The following TNFSF4 variants were observed in gnomAD, a reference collection of about 807,000 sequenced individuals.
TNFSF4 encodes the protein TNF superfamily member 4, also known as tumor necrosis factor ligand superfamily member 4.
TNFSF4 carries 4 observed loss-of-function variants against 7.3 expected under a neutral mutation model. That is an observed-to-expected ratio of 0.55 (90% CI 0.27 to 1.25). TNFSF4 has a LOEUF of 1.25. Ranked by LOEUF, TNFSF4 falls within the 50% of genes most tolerant of loss-of-function variation. The pLI, the probability that TNFSF4 is intolerant of heterozygous loss-of-function variation, is 0.12. For missense variants in TNFSF4, 181 were observed against 208.8 expected (o/e 0.87, Z 0.82); for synonymous variants, 76 against 83.7 (o/e 0.91, Z 0.50).
the TNFSF4 span, among the ~76,000 whole-genome samples, chr1:173,419,736 C>T: frequency 6.6e-6 from 1 of 152,142 alleles, no homozygotes; most frequent in Non-Finnish European, 1.5e-5. Flanking sequence ...GCCCTGATTG[C>T]CATGGCTGGG....
At chr1:173,204,739 C>T (rs1485717672) in intron 1 of TNFSF4, among the ~76,000 whole-genome samples, 1 of 151,752 alleles carries the variant, frequency 6.6e-6, no homozygotes, top group Non-Finnish European at 1.5e-5. Flanking sequence ...ACTACCAACA[C>T]CACCACCACC....
chr1:173,298,770 A>G, the TNFSF4 span, among the ~76,000 whole-genome samples: 5 of 151,902 alleles, frequency 3.3e-5, 1 homozygote, highest in Admixed American at 3.3e-4. Flanking sequence ...ATCATCACTA[A>G]TTTACAGATG....
At chr1:173,358,759 A>C in the TNFSF4 span, among the ~76,000 whole-genome samples, 1 of 152,248 alleles carries the variant, frequency 6.6e-6, no homozygotes, top group Non-Finnish European at 1.5e-5. Flanking sequence ...CTAATAATAT[A>C]GATGAATGTC....
At chr1:173,244,352 CAT>C in the TNFSF4 span, among the ~76,000 whole-genome samples, 1 of 152,134 alleles carries the variant, frequency 6.6e-6, no homozygotes. Flanking sequence ...ACTATTAAAA[CAT>C]AAACCCGGCC....
the TNFSF4 span, among the ~76,000 whole-genome samples, chr1:173,444,503 G>T: frequency 6.7e-6 from 1 of 149,760 alleles, no homozygotes; most frequent in Non-Finnish European, 1.5e-5. Context: ...CAGGTTTTGG[G>T]AAATTCTGGG....
the TNFSF4 span, among the ~76,000 whole-genome samples, chr1:173,331,193 TC>T: frequency 6.6e-6 from 1 of 152,188 alleles, no homozygotes; most frequent in African/African-American, 2.4e-5. Flanking sequence ...CCTTCTTTCC[TC>T]TTTTCAAAAC....
chr1:173,327,334 C>A, the TNFSF4 span, among the ~76,000 whole-genome samples: 1 of 152,096 alleles, frequency 6.6e-6, no homozygotes, highest in Non-Finnish European at 1.5e-5. Context: ...CTTCCTTACA[C>A]CTTATACAAA....
chr1:173,270,401 C>G, the TNFSF4 span, among the ~76,000 whole-genome samples: 115 of 151,846 alleles, frequency 7.6e-4, no homozygotes, highest in Non-Finnish European at 1.1e-3. Context: ...TGAAGAGGAC[C>G]CTGGGGCTCT....
the TNFSF4 span, among the ~76,000 whole-genome samples, chr1:173,240,587 T>C: frequency 6.6e-6 from 1 of 152,214 alleles, no homozygotes. Context: ...TATATTGCCT[T>C]GGCAATCAGT....
At chr1:173,270,353 GGATTA>G in the TNFSF4 span, among the ~76,000 whole-genome samples, 7 of 152,102 alleles carry the variant, frequency 4.6e-5, no homozygotes, top group Non-Finnish European at 8.8e-5. Flanking sequence ...TCATGAGCTT[GGATTA>G]GCTCACCTAG....
the TNFSF4 span, among the ~76,000 whole-genome samples, chr1:173,401,196 G>A: frequency 0.24 from 36,978 of 152,084 alleles, 4,942 homozygotes; most frequent in South Asian, 0.33. Flanking sequence ...CTCCTCTTCT[G>A]GGAAAAAGGT....
At position 173,186,605 on chromosome 1, in the gene TNFSF4, T is replaced by A. The variant is rs780930274; in HGVS notation, c.463A>T (p.Thr155Ser). Reference sequence around the variant, plus strand: ...AAGTCATCCAGGGAGGTATTGTCAGTGGTCACATTCAAGTAGACTTTGTCT... The same window carrying A: ...AAGTCATCCAGGGAGGTATTGTCAGAGGTCACATTCAAGTAGACTTTGTCT... The part of the protein sequence containing the change: ...YKDKVYLNVT[T>S]DNTSLDDFHV... The change falls in exon 3 of 3, where the codon ACT (threonine) becomes TCT (serine). Residue 155 changes from threonine (T) to serine (S), a missense_variant. Thr to Ser is a moderately conservative substitution (Grantham distance 58). Transcript: ENST00000281834. The A allele has an allele frequency of 6.2e-7, 1 of 1,614,172 alleles. No individual in the cohort carries two copies. The highest frequency in any genetic ancestry group is 2.2e-5 in the East Asian group (1 of 44,884).
downstream of TNFSF4, among the ~76,000 whole-genome samples, chr1:173,183,059 A>C (rs1649084484): frequency 6.6e-6 from 1 of 152,210 alleles, no homozygotes; most frequent in Non-Finnish European, 1.5e-5. Flanking sequence ...TACTAAATTC[A>C]ACTTAATAAA....
intron 1 of TNFSF4, among the ~76,000 whole-genome samples, chr1:173,206,503 G>GT (rs1180464574): frequency 2.0e-5 from 3 of 152,210 alleles, no homozygotes; most frequent in African/African-American, 7.2e-5. Context: ...GGGTGAATGA[G>GT]TGAGCACATA....
At chr1:173,366,520 CA>C in the TNFSF4 span, among the ~76,000 whole-genome samples, 23 of 148,840 alleles carry the variant, frequency 1.5e-4, no homozygotes, top group African/African-American at 3.7e-4. Flanking sequence ...TTAATGGGTA[CA>C]AAAAAAAATA....
At chr1:173,228,430 G>A in the TNFSF4 span, among the ~76,000 whole-genome samples, 7 of 152,074 alleles carry the variant, frequency 4.6e-5, no homozygotes, top group African/African-American at 1.2e-4. Flanking sequence ...CCATCTATAC[G>A]TCACCATCAT....
At chr1:173,232,888 T>C in the TNFSF4 span, among the ~76,000 whole-genome samples, 3 of 152,172 alleles carry the variant, frequency 2.0e-5, no homozygotes, top group African/African-American at 7.2e-5. Context: ...TTATTGAGGA[T>C]TTTTGCATCA....
chr1:173,216,772 A>T, the TNFSF4 span, among the ~76,000 whole-genome samples: 1 of 152,302 alleles, frequency 6.6e-6, no homozygotes, highest in South Asian at 2.1e-4. Context: ...ACACACATGA[A>T]AAACAAACAA....
chr1:173,290,601 A>T, the TNFSF4 span, among the ~76,000 whole-genome samples: 1 of 152,120 alleles, frequency 6.6e-6, no homozygotes, highest in African/African-American at 2.4e-5. Flanking sequence ...ACGAATTCTT[A>T]GAAGAAACTT....
Sources: gnomAD v4.1 joint callset for allele counts (sites outside exome capture counted in the v4.1 genomes callset) on GRCh38, gnomAD v4.1.1 for gene constraint, MANE v1.5 for transcripts, NCBI Gene and HGNC (gene_info 2026-07-23, HGNC 2026-07-21) for gene names.